Variants in NOVA1 observed in about 807,000 individuals in gnomAD.
NOVA1 encodes NOVA alternative splicing regulator 1.
A neutral mutation model predicts 38.0 loss-of-function variants in NOVA1; 7 were observed. The ratio of observed to expected loss-of-function variants is 0.18; its 90% CI spans 0.10 to 0.35. NOVA1 has a LOEUF of 0.35. Ranked by LOEUF, NOVA1 falls within the 10% of genes least tolerant of loss-of-function variation. NOVA1 has a pLI of 1.00. For synonymous variants in NOVA1, 270 were observed against 232.5 expected, an observed-to-expected ratio of 1.16 and a Z score of -1.47; for missense variants, 460 against 616.0, an observed-to-expected ratio of 0.75 and a Z score of 2.68.
intron 2 of NOVA1, among the ~76,000 whole-genome samples, chr14:26,489,516 T>G (rs1886166894): frequency 6.6e-6 from 1 of 151,402 alleles, no homozygotes; most frequent in Admixed American, 6.6e-5. Context: ...AGTATTATAT[T>G]ATTATTAATA....
At chr14:26,505,303 T>A (rs977956021) in intron 2 of NOVA1, among the ~76,000 whole-genome samples, 1 of 152,082 alleles carries the variant, frequency 6.6e-6, no homozygotes, top group Non-Finnish European at 1.5e-5. Context: ...AGGAGGGACC[T>A]CATGGGAGGT....
intron 2 of NOVA1, among the ~76,000 whole-genome samples, chr14:26,529,261 CCAAGTAGCTGGGATTA>C (rs1889527506): frequency 6.6e-6 from 1 of 152,176 alleles, no homozygotes; most frequent in East Asian, 1.9e-4. Context: ...CCTCAGCCTC[CCAAGTAGCTGGGATTA>C]CAAGCGCCCA....
At chr14:26,544,037 G>A (rs1890636611) in intron 2 of NOVA1, among the ~76,000 whole-genome samples, 2 of 151,926 alleles carry the variant, frequency 1.3e-5, no homozygotes, top group African/African-American at 4.8e-5. Context: ...AAAGACTCAT[G>A]CCCTCAGTCT....
At chr14:26,591,087 T>C (rs1309829006) in intron 2 of NOVA1, among the ~76,000 whole-genome samples, 1 of 151,754 alleles carries the variant, frequency 6.6e-6, no homozygotes, top group Non-Finnish European at 1.5e-5. Context: ...TAATACAGAT[T>C]GCGCTATGCC....
intron 2 of NOVA1, among the ~76,000 whole-genome samples, chr14:26,534,894 G>A (rs888563978): frequency 2.6e-5 from 4 of 152,130 alleles, no homozygotes; most frequent in Non-Finnish European, 5.9e-5. Context: ...GTCAAGGAAA[G>A]GTAGAAATGA....
At chr14:26,492,312 A>G (rs545250062) in intron 2 of NOVA1, among the ~76,000 whole-genome samples, 2 of 152,248 alleles carry the variant, frequency 1.3e-5, no homozygotes, top group Non-Finnish European at 2.9e-5. Context: ...GCAAATAGAG[A>G]TAGTGGTACT....
At chr14:26,595,984 T>C (rs994079998) in intron 1 of NOVA1, 1 of 354,128 alleles carries the variant, frequency 2.8e-6, no homozygotes, top group Non-Finnish European at 5.4e-6. Flanking sequence ...CTGTAAATAG[T>C]GATGAGCTAT....
chr14:26,462,398 T>A (rs1883755308), intron 4 of NOVA1, among the ~76,000 whole-genome samples: 1 of 152,172 alleles, frequency 6.6e-6, no homozygotes, highest in African/African-American at 2.4e-5. Context: ...CAATTATCAA[T>A]TTATTATAAA....
At chr14:26,580,881 A>T (rs755739059) in intron 2 of NOVA1, among the ~76,000 whole-genome samples, 10 of 152,088 alleles carry the variant, frequency 6.6e-5, no homozygotes, top group Non-Finnish European at 1.2e-4. Context: ...ACATTAATGT[A>T]ATTTATTCTA....
At chr14:26,540,723 T>G (rs1042290990) in intron 2 of NOVA1, among the ~76,000 whole-genome samples, 4 of 152,214 alleles carry the variant, frequency 2.6e-5, no homozygotes, top group African/African-American at 9.6e-5. Flanking sequence ...TTTTAAACTG[T>G]GGCACTGATC....
intron 2 of NOVA1, among the ~76,000 whole-genome samples, chr14:26,503,864 A>G (rs1887429550): frequency 6.6e-6 from 1 of 152,166 alleles, no homozygotes; most frequent in Non-Finnish European, 1.5e-5. Flanking sequence ...AAAAATTTAC[A>G]TAACAGAACA....
At position 26,458,876 on chromosome 14, in the gene NOVA1, G is replaced by A. The variant is rs143609869; in HGVS notation, c.520-9913C>T. Among the ~76,000 whole-genome samples the A allele has an allele frequency of 9.5e-4, 144 of 152,090 alleles. 4 individuals are homozygous for A. The East Asian group carries it at 0.023, about 24-fold the overall frequency. On this transcript the variant is annotated intron_variant, in intron 4 of 4. Coordinates refer to ENST00000539517, the MANE Select transcript of NOVA1 (RefSeq NM_002515.3). ...AATAAGGAAAAAGAACATATTTTTG[G>A]ACAACATGTTAGTGTTTTAAGCTAA...
At chr14:26,464,441 T>C (rs2138218907) in intron 4 of NOVA1, among the ~76,000 whole-genome samples, 1 of 152,344 alleles carries the variant, frequency 6.6e-6, no homozygotes, top group South Asian at 2.1e-4. Flanking sequence ...GTAAATACAC[T>C]CTATGATGTT....
At chr14:26,495,384 T>A (rs1283510752) in intron 2 of NOVA1, among the ~76,000 whole-genome samples, 4 of 152,226 alleles carry the variant, frequency 2.6e-5, no homozygotes, top group African/African-American at 9.6e-5. Context: ...TTGGACTGTT[T>A]TGTTCACATG....
chr14:26,597,002 GAT>G (rs912621571), intron 1 of NOVA1: 114 of 1,249,760 alleles, frequency 9.1e-5, no homozygotes, highest in Non-Finnish European at 1.1e-4. Flanking sequence ...CCAGGTCTAG[GAT>G]ATTTACATGG....
intron 2 of NOVA1, among the ~76,000 whole-genome samples, chr14:26,587,773 A>T (rs1021799377): frequency 6.6e-6 from 1 of 151,196 alleles, no homozygotes; most frequent in Admixed American, 6.6e-5. Flanking sequence ...TAAAAAGAAA[A>T]CAAAAACATG....
At chr14:26,562,739 C>T (rs1268456885) in intron 2 of NOVA1, among the ~76,000 whole-genome samples, 1 of 152,146 alleles carries the variant, frequency 6.6e-6, no homozygotes, top group Non-Finnish European at 1.5e-5. Flanking sequence ...ACTGAGGGAA[C>T]TCTAAAAATC....
At chr14:26,535,346 T>G (rs550200001) in intron 2 of NOVA1, among the ~76,000 whole-genome samples, 1 of 152,288 alleles carries the variant, frequency 6.6e-6, no homozygotes, top group Non-Finnish European at 1.5e-5. Flanking sequence ...ACGGATATGG[T>G]TTATTTAGGA....
chr14:26,476,779 C>T (rs1443896919), intron 3 of NOVA1, among the ~76,000 whole-genome samples: 2 of 145,498 alleles, frequency 1.4e-5, no homozygotes, highest in Non-Finnish European at 1.5e-5. Context: ...TACAATGGCG[C>T]GATCTTGGCT....
Sources: allele counts gnomAD v4.1 joint callset (sites outside exome capture counted in the v4.1 genomes callset), GRCh38; gene constraint gnomAD v4.1.1; transcripts MANE v1.5; gene names NCBI Gene and HGNC (gene_info 2026-07-23, HGNC 2026-07-21).